The following ACOT7 variants were observed in gnomAD, a reference collection of about 807,000 sequenced individuals.
The protein encoded by ACOT7 is acyl-CoA thioesterase 7.
A neutral mutation model predicts 40.2 loss-of-function variants in ACOT7; 12 were observed. That is an observed-to-expected ratio of 0.30 (90% CI 0.19 to 0.48). ACOT7 has a LOEUF of 0.48. Among genes scored for constraint, ACOT7 ranks in the 20% least tolerant of loss-of-function variants. The pLI is 0.99. For missense variants in ACOT7, 395 were observed against 530.8 expected, an observed-to-expected ratio of 0.74 and a Z score of 2.51; for synonymous variants, 228 against 219.5, an observed-to-expected ratio of 1.04 and a Z score of -0.34.
At chr1:6,368,827 TGCTGCTCCCACA>T (rs1397353064) in intron 1 of ACOT7, among the ~76,000 whole-genome samples, 4 of 152,062 alleles carry the variant, frequency 2.6e-5, no homozygotes, top group Non-Finnish European at 5.9e-5. Flanking sequence ...CTGCTGCCAC[TGCTGCTCCCACA>T]GCTGCTCCTG....
At chr1:6,305,821 G>C (rs941358444) in intron 6 of ACOT7, among the ~76,000 whole-genome samples, 7 of 152,236 alleles carry the variant, frequency 4.6e-5, no homozygotes, top group African/African-American at 1.4e-4. Flanking sequence ...TCGGCACTTT[G>C]GGGGGCCAAG....
chr1:6,312,308 G>A (rs1038356913), intron 6 of ACOT7, among the ~76,000 whole-genome samples: 9 of 152,110 alleles, frequency 5.9e-5, no homozygotes, highest in Non-Finnish European at 1.0e-4. Context: ...CAATAATAAC[G>A]TAATTGTACA....
chr1:6,377,480 T>C (rs1642254270), intron 1 of ACOT7, among the ~76,000 whole-genome samples: 1 of 152,162 alleles, frequency 6.6e-6, no homozygotes, highest in Non-Finnish European at 1.5e-5. Context: ...TTAAGAATCT[T>C]AGTAGAATCT....
intron 1 of ACOT7, among the ~76,000 whole-genome samples, chr1:6,372,220 G>A (rs1012572524): frequency 1.3e-5 from 2 of 152,104 alleles, no homozygotes; most frequent in African/African-American, 2.4e-5. Context: ...TTAGCTTCAC[G>A]CTTTTCCTCT....
intron 4 of ACOT7, 72 bp downstream of exon 4, chr1:6,333,405 C>T: frequency 6.4e-7 from 1 of 1,555,072 alleles, no homozygotes; most frequent in South Asian, 1.1e-5. Context: ...CTGAACGAGC[C>T]TCCCAACATC....
In ACOT7 at chr1:6,373,542, C is replaced by T. The variant is rs569081566; in HGVS notation, c.143+19715G>A. Among the ~76,000 whole-genome samples the T allele has an allele frequency of 2.3e-3, 350 of 152,128 alleles. 1 individual carries two copies. Among genetic ancestry groups the T allele is most frequent in the Non-Finnish European group, 3.3e-3 (223 of 67,994 alleles). ...CTGAGATTACAGGCCTGAGCCACCA[C>T]GCCTGCCCCAAACTTTCAATTTGTA... On this transcript the variant is annotated intron_variant, in intron 1 of 8. Transcript: ENST00000361521.
In ACOT7 at chr1:6,278,943, G is replaced by A. The variant is rs1304332268; in HGVS notation, c.1014+2159C>T. On this transcript the variant is annotated intron_variant, in intron 8 of 8. Coordinates refer to ENST00000361521, the MANE Select transcript of ACOT7 (RefSeq NM_007274.4). This position sits in a 1 kb window ranked among gnomAD's most constrained non-coding sequence, Gnocchi z 4.1. The stretch of plus-strand genomic sequence containing the variant: ...AGAACTGGGAAAGTTTGTCCAGGAG[G>A]CAGGAAGAGGTAGGGGGCGGGGAAG... Among the ~76,000 whole-genome samples, 4 of 152,234 alleles carry A rather than the reference G, an allele frequency of 2.6e-5. No homozygotes were observed. Among genetic ancestry groups the A allele is most frequent in the Non-Finnish European group, 4.4e-5 (3 of 68,044 alleles).
At chr1:6,295,217 A>C (rs1203982761) in intron 6 of ACOT7, 3 of 438,418 alleles carry the variant, frequency 6.8e-6, no homozygotes, top group Non-Finnish European at 1.2e-5. Flanking sequence ...CTAACAAAAC[A>C]GCCCTTTTCC....
rs954559631 is a variant in ACOT7, at chr1:6,358,716, T to C, written c.144-8850A>G. 8.7e-7 allele frequency: 1 copy of C among 1,149,610 alleles called. No individual in the cohort carries two copies. The highest frequency in any genetic ancestry group is 1.3e-6 in the Non-Finnish European group (1 of 782,700). 71.2% of individuals were successfully genotyped at this position (1,149,610 alleles called of 1,614,324 possible). ...GGCTGCATGACACCAGCCAGCCTGC[T>C]GGGCACAGGGGCCGAGTCCCCTCTA... On this transcript the variant is annotated intron_variant, in intron 1 of 8. Coordinates refer to ENST00000361521, the MANE Select transcript of ACOT7 (RefSeq NM_007274.4). This position sits in a 1 kb window ranked among gnomAD's most constrained non-coding sequence, Gnocchi z 4.1.
At chr1:6,328,594 A>G (rs11121665) in intron 4 of ACOT7, among the ~76,000 whole-genome samples, 13,285 of 152,132 alleles carry the variant, frequency 0.087, 1,006 homozygotes, top group African/African-American at 0.19. Flanking sequence ...AGGCAAGGGA[A>G]TCGCTTGAAT....
At chr1:6,307,660 G>C (rs1200418439) in intron 6 of ACOT7, among the ~76,000 whole-genome samples, 2 of 152,138 alleles carry the variant, frequency 1.3e-5, no homozygotes, top group Non-Finnish European at 2.9e-5. Context: ...ACCAGGCAGA[G>C]GGAACAGTAA....
chr1:6,388,591 T>C (rs1186979621), intron 1 of ACOT7, among the ~76,000 whole-genome samples: 1 of 137,648 alleles, frequency 7.3e-6, no homozygotes. Flanking sequence ...ATACAAAAAT[T>C]AGCCGAGTGT....
intron 1 of ACOT7, among the ~76,000 whole-genome samples, chr1:6,369,115 C>A (rs1009225707): frequency 6.6e-6 from 1 of 151,838 alleles, no homozygotes; most frequent in Non-Finnish European, 1.5e-5. Flanking sequence ...TCCTGAGTAG[C>A]TGGGATTACA....
chr1:6,393,388 G>A lies in ACOT7; in HGVS notation c.12C>T (p.Pro4=). The A allele has an allele frequency of 8.1e-7, 1 of 1,231,072 alleles. No individual in the cohort carries two copies. The highest frequency in any genetic ancestry group is 1.6e-5 in the African/African-American group (1 of 64,134). The allele number at this position is 1,231,072 out of a possible 1,614,324, so 76.3% of individuals were successfully genotyped here. The part of the protein sequence containing the change: MAR[P]GLIHSAPGLP... ...GGCCCGGCGCGGAATGAATGAGCCC[G>A]GGCCGCGCCATAAAGGGGGAGGGCA... The change falls in exon 1 of 9, where the codon CCC becomes CCT. Residue 4 remains proline, a synonymous_variant. Coordinates refer to ENST00000361521, the MANE Select transcript of ACOT7 (RefSeq NM_007274.4).
chr1:6,317,920 T>C (rs1024992286), intron 6 of ACOT7, among the ~76,000 whole-genome samples: 5 of 151,994 alleles, frequency 3.3e-5, no homozygotes, highest in Admixed American at 6.6e-5. Flanking sequence ...CTAGTAAAGA[T>C]GGGGTTTTGC....
intron 5 of ACOT7, among the ~76,000 whole-genome samples, chr1:6,323,990 G>A (rs1038131818): frequency 5.4e-4 from 82 of 151,848 alleles, no homozygotes; most frequent in African/African-American, 1.9e-3. Context: ...TCCTCCCACG[G>A]GATGGGATAG....
intron 1 of ACOT7, among the ~76,000 whole-genome samples, chr1:6,379,506 C>A (rs1345128697): frequency 6.6e-6 from 1 of 151,702 alleles, no homozygotes; most frequent in African/African-American, 2.4e-5. Context: ...CACCCAGGCC[C>A]CAGTGCAGTG....
At chr1:6,290,619 C>A (rs539888792) in intron 7 of ACOT7, among the ~76,000 whole-genome samples, 7 of 152,336 alleles carry the variant, frequency 4.6e-5, no homozygotes, top group South Asian at 4.2e-4. Flanking sequence ...TAATACAACA[C>A]CCCAACACAA....
Position 6,294,750 on chromosome 1 carries a change from T to C in ACOT7, c.829+114A>G. On this transcript the variant is annotated intron_variant, in intron 7 of 8. Transcript: ENST00000361521. This position sits in a 1 kb window ranked among gnomAD's most constrained non-coding sequence, Gnocchi z 4.6. ...TCAGCTTCCTGTTCCCTGTGGCAGA[T>C]GGGCACACACCAAGGCCCACATGAC... is the stretch of plus-strand genomic sequence containing the variant. 1.3e-6 allele frequency: 1 copy of C among 741,336 alleles called. No individual in the cohort carries two copies. Among genetic ancestry groups the C allele is most frequent in the Non-Finnish European group, 2.3e-6 (1 of 434,992 alleles). The allele number at this position is 741,336 out of a possible 1,614,324, so 45.9% of individuals were successfully genotyped here.
Sources: gnomAD v4.1 joint callset for allele counts (sites outside exome capture counted in the v4.1 genomes callset) on GRCh38, gnomAD v4.1.1 for gene constraint, Gnocchi (gnomAD v3.1) non-coding constraint, MANE v1.5 for transcripts, NCBI Gene and HGNC (gene_info 2026-07-23, HGNC 2026-07-21) for gene names.